PALLD: variants seen among roughly 807,000 people sequenced by gnomAD.
The protein encoded by PALLD is palladin.
Under a neutral mutation model 123.5 loss-of-function variants are expected in PALLD, and 61 were observed. The observed-to-expected ratio is 0.49, with a 90% CI of 0.40 to 0.61. The LOEUF (loss-of-function observed/expected upper bound fraction) is 0.61. PALLD is among the 20% of genes least tolerant of loss of function. PALLD has a pLI of 0.00. For missense variants in PALLD, 1,273 were observed against 1,377.0 expected (o/e 0.92, Z 1.20); for synonymous variants, 465 against 496.4 (o/e 0.94, Z 0.84).
chr4:168,645,463 G>A (rs772128573), intron 2 of PALLD, among the ~76,000 whole-genome samples: 4 of 152,198 alleles, frequency 2.6e-5, no homozygotes, highest in African/African-American at 4.8e-5. Flanking sequence ...GCAATATCAA[G>A]TAGTGGTTAA....
At chr4:168,798,800 GCC>G in intron 10 of PALLD, among the ~76,000 whole-genome samples, 1 of 152,194 alleles carries the variant, frequency 6.6e-6, no homozygotes, top group South Asian at 2.1e-4. Flanking sequence ...ACTCATTGCT[GCC>G]CATGTAAACT....
At chr4:168,746,065 C>T (rs964789660) in intron 10 of PALLD, among the ~76,000 whole-genome samples, 40 of 152,142 alleles carry the variant, frequency 2.6e-4, no homozygotes, top group African/African-American at 9.2e-4. Context: ...CCACCTTATT[C>T]TGGCCTATAC....
At chr4:168,724,801 A>G (rs1312084484) in intron 10 of PALLD, among the ~76,000 whole-genome samples, 1 of 152,258 alleles carries the variant, frequency 6.6e-6, no homozygotes, top group Non-Finnish European at 1.5e-5. Context: ...GTTTCCTGGT[A>G]GGATGATACT....
chr4:168,536,153 C>T (rs1457160882), intron 2 of PALLD, among the ~76,000 whole-genome samples: 3 of 152,186 alleles, frequency 2.0e-5, no homozygotes. Flanking sequence ...ATCTATGACT[C>T]CTGCTACTCA....
intron 10 of PALLD, among the ~76,000 whole-genome samples, chr4:168,743,821 A>G (rs941238463): frequency 6.6e-6 from 1 of 152,156 alleles, no homozygotes; most frequent in Non-Finnish European, 1.5e-5. Context: ...TTTTAAAAAC[A>G]TCCTTCAGGA....
intron 10 of PALLD, among the ~76,000 whole-genome samples, chr4:168,803,482 C>G (rs1011527029): frequency 6.6e-6 from 1 of 151,942 alleles, no homozygotes; most frequent in African/African-American, 2.4e-5. Flanking sequence ...CCCAGGAACT[C>G]GAGACCAGCC....
chr4:168,576,593 C>A (rs1403200250), intron 2 of PALLD, among the ~76,000 whole-genome samples: 1 of 152,128 alleles, frequency 6.6e-6, no homozygotes, highest in Non-Finnish European at 1.5e-5. Flanking sequence ...GCATAGTATT[C>A]CATGGTGTAT....
intron 3 of PALLD, among the ~76,000 whole-genome samples, chr4:168,679,331 A>ATG (rs1781278024): frequency 2.7e-5 from 1 of 36,906 alleles, no homozygotes; most frequent in Non-Finnish European, 4.8e-5. Context: ...TGGGGGGTAT[A>ATG]TGTGTGTGGT....
chr4:168,731,671 G>A (rs1321632437), intron 10 of PALLD, among the ~76,000 whole-genome samples: 1 of 152,232 alleles, frequency 6.6e-6, no homozygotes, highest in Admixed American at 6.5e-5. Flanking sequence ...AACTGTAAGT[G>A]AATTATTCCT....
intron 10 of PALLD, among the ~76,000 whole-genome samples, chr4:168,783,543 G>A (rs1456568988): frequency 6.6e-6 from 1 of 152,170 alleles, no homozygotes; most frequent in Non-Finnish European, 1.5e-5. Context: ...ATAGTTAAAA[G>A]AAAGCAGGTA....
chr4:168,671,537 G>C (rs1032028198), intron 3 of PALLD, among the ~76,000 whole-genome samples: 1 of 152,198 alleles, frequency 6.6e-6, no homozygotes, highest in African/African-American at 2.4e-5. Flanking sequence ...ACTGGACATA[G>C]CAAGAATGAA....
chr4:168,794,319 G>A (rs887831551), intron 10 of PALLD, among the ~76,000 whole-genome samples: 2 of 152,176 alleles, frequency 1.3e-5, no homozygotes, highest in East Asian at 1.9e-4. Flanking sequence ...GACTTACTCA[G>A]GCCCTCTAAG....
At chr4:168,841,116 T>C (rs1581719292) in intron 10 of PALLD, among the ~76,000 whole-genome samples, 1 of 152,188 alleles carries the variant, frequency 6.6e-6, no homozygotes, top group Non-Finnish European at 1.5e-5. Context: ...CCCAAAGTGC[T>C]GAGATTACAG....
intron 2 of PALLD, among the ~76,000 whole-genome samples, chr4:168,536,976 T>C (rs901008815): frequency 6.6e-6 from 1 of 152,008 alleles, no homozygotes; most frequent in Non-Finnish European, 1.5e-5. Context: ...TATAGGCGCC[T>C]GCCACCACGC....
At chr4:168,682,060 CTAAT>C (rs1359143154) in intron 4 of PALLD, among the ~76,000 whole-genome samples, 2 of 152,250 alleles carry the variant, frequency 1.3e-5, no homozygotes, top group African/African-American at 4.8e-5. Flanking sequence ...TGGAAAATAT[CTAAT>C]TAGGCCAGAA....
chr4:168,530,415 C>G (rs959536397), intron 2 of PALLD: 3 of 152,126 alleles, frequency 2.0e-5, no homozygotes, highest in African/African-American at 7.2e-5. Context: ...TCTATCCATC[C>G]CTTCAATAAA....
At chr4:168,643,237 G>A (rs1054992547) in intron 2 of PALLD, among the ~76,000 whole-genome samples, 8 of 152,244 alleles carry the variant, frequency 5.3e-5, no homozygotes, top group African/African-American at 1.9e-4. Flanking sequence ...CACAGTGGAA[G>A]TATTGCTTTC....
intron 10 of PALLD, among the ~76,000 whole-genome samples, chr4:168,779,649 T>C (rs142928264): frequency 3.3e-5 from 5 of 152,248 alleles, no homozygotes; most frequent in Middle Eastern, 3.4e-3. Context: ...AAACTCTTTA[T>C]ACTCTGTCAT....
At position 168,620,485 on chromosome 4, in the gene PALLD, C is replaced by CA. The variant is rs552112539; in HGVS notation, c.909-47699dup. Among the ~76,000 whole-genome samples, 35 of 152,144 alleles carry CA rather than the reference C, an allele frequency of 2.3e-4. No homozygotes were observed. The East Asian group carries it at 5.0e-3, about 22-fold the overall frequency. On this transcript the variant is annotated intron_variant, in intron 2 of 21. Transcript: ENST00000505667. ...ACAAAAAAAATTACCCTTCATTGGG[C>CA]AAAAAACCAGGGAACTCAACCAAAA...
Sources: gnomAD v4.1 joint callset for allele counts (sites outside exome capture counted in the v4.1 genomes callset) on GRCh38, gnomAD v4.1.1 for gene constraint, MANE v1.5 for transcripts, NCBI Gene and HGNC (gene_info 2026-07-23, HGNC 2026-07-21) for gene names.